Variants in SGCD observed in about 807,000 individuals in gnomAD.
SGCD encodes the protein delta-sarcoglycan.
Under a neutral mutation model 36.6 loss-of-function variants are expected in SGCD, and 18 were observed. The observed-to-expected ratio is 0.49, with a 90% confidence interval of 0.34 to 0.73. SGCD has a LOEUF of 0.73. SGCD is among the 30% of genes least tolerant of loss of function. The pLI, the probability that SGCD is intolerant of heterozygous loss-of-function variation, is 0.01. For missense variants in SGCD, 387 were observed against 346.7 expected (o/e 1.12, Z -0.92); for synonymous variants, 133 against 130.6 (o/e 1.02, Z -0.12).
chr5:155,900,686 G>T (rs1756370325), intron 1 of SGCD, among the ~76,000 whole-genome samples: 1 of 149,486 alleles, frequency 6.7e-6, no homozygotes. Flanking sequence ...AATAGATGTT[G>T]GAAACTGTCC....
intron 3 of SGCD, among the ~76,000 whole-genome samples, chr5:156,424,301 T>G (rs11135202): frequency 0.67 from 102,015 of 151,838 alleles, 34,896 homozygotes; most frequent in Middle Eastern, 0.88. Context: ...TATACTCCTT[T>G]GTAGTTGCCT....
intron 7 of SGCD, among the ~76,000 whole-genome samples, chr5:156,724,861 T>G (rs1259537231): frequency 6.6e-6 from 1 of 152,214 alleles, no homozygotes; most frequent in Non-Finnish European, 1.5e-5. Flanking sequence ...AAATTTCTCC[T>G]CTTATATATC....
chr5:156,067,970 C>CT lies in SGCD; in HGVS notation c.-281-49896dup, dbSNP rs1190479812. Among the ~76,000 whole-genome samples, 58 of 123,160 alleles carry CT rather than the reference C, an allele frequency of 4.7e-4. 3 individuals are homozygous for CT. Among genetic ancestry groups the CT allele is most frequent in the African/African-American group, 7.3e-4 (15 of 20,576 alleles). 80.8% of individuals were successfully genotyped at this position (123,160 alleles called of 152,430 possible). ...CGGCCATCTTGGCTCCTCCCCCCCA[C>CT]TTTTTTTTTTTTAATTGGCAAAATT... is the stretch of plus-strand genomic sequence containing the variant. On this transcript the variant is annotated intron_variant, in intron 1 of 9. Coordinates refer to the SGCD transcript ENST00000517913.
At chr5:156,071,745 A>T (rs561096553) in intron 1 of SGCD, among the ~76,000 whole-genome samples, 1 of 152,150 alleles carries the variant, frequency 6.6e-6, no homozygotes, top group East Asian at 1.9e-4. Flanking sequence ...AAAGTCTCCC[A>T]TTATTATTGT....
intron 1 of SGCD, among the ~76,000 whole-genome samples, chr5:156,043,100 C>CGGAAAA (rs1304216544): frequency 1.3e-5 from 2 of 152,154 alleles, no homozygotes; most frequent in Admixed American, 1.3e-4. Context: ...ATCTCTTTTA[C>CGGAAAA]TGTCATAATT....
intron 3 of SGCD, among the ~76,000 whole-genome samples, chr5:156,242,443 C>T (rs182022325): frequency 2.6e-5 from 4 of 152,124 alleles, no homozygotes; most frequent in Non-Finnish European, 4.4e-5. Flanking sequence ...TCTCTACATA[C>T]GATAAAATTT....
intron 1 of SGCD, among the ~76,000 whole-genome samples, chr5:155,949,355 T>A (rs565246935): frequency 2.6e-5 from 4 of 152,206 alleles, no homozygotes; most frequent in Admixed American, 6.5e-5. Flanking sequence ...TGGCTAGTCC[T>A]AATTGAGTGC....
At chr5:156,628,960 T>G (rs377651651) in intron 6 of SGCD, among the ~76,000 whole-genome samples, 4 of 152,146 alleles carry the variant, frequency 2.6e-5, no homozygotes, top group African/African-American at 4.8e-5. Context: ...ATAGTCACTG[T>G]GGAAATTAAA....
At chr5:156,360,933 C>T (rs890917270) in intron 3 of SGCD, among the ~76,000 whole-genome samples, 5 of 152,138 alleles carry the variant, frequency 3.3e-5, no homozygotes, top group South Asian at 2.1e-4. Context: ...TCACACCAGC[C>T]GTTTGCTCTC....
intron 3 of SGCD, among the ~76,000 whole-genome samples, chr5:156,155,126 G>A (rs547902515): frequency 1.1e-4 from 17 of 151,602 alleles, no homozygotes; most frequent in Non-Finnish European, 1.9e-4. Flanking sequence ...CTGGGACCAG[G>A]CTTTTCTTCT....
chr5:156,634,362 A>G (rs1240183103), intron 6 of SGCD, among the ~76,000 whole-genome samples: 2 of 152,186 alleles, frequency 1.3e-5, no homozygotes, highest in Admixed American at 6.5e-5. Context: ...ACCATGGCAC[A>G]TGTTTGCCTG....
intron 3 of SGCD, among the ~76,000 whole-genome samples, chr5:156,304,373 C>G (rs575502106): frequency 5.3e-5 from 8 of 152,250 alleles, no homozygotes; most frequent in Admixed American, 5.2e-4. Context: ...CAGAATAAGT[C>G]TCATGAGATC....
the SGCD span, among the ~76,000 whole-genome samples, chr5:155,845,804 G>GT: frequency 6.6e-6 from 1 of 152,086 alleles, no homozygotes; most frequent in African/African-American, 2.4e-5. Flanking sequence ...CTGTAAACCT[G>GT]TTTTTTATGC....
At chr5:156,112,404 C>G (rs567654217) in intron 1 of SGCD, among the ~76,000 whole-genome samples, 2 of 152,236 alleles carry the variant, frequency 1.3e-5, no homozygotes, top group East Asian at 3.9e-4. Flanking sequence ...TTATGTAATT[C>G]ATAGGACTCT....
At chr5:156,514,684 A>G (rs1231788893) in intron 4 of SGCD, among the ~76,000 whole-genome samples, 1 of 152,216 alleles carries the variant, frequency 6.6e-6, no homozygotes, top group Non-Finnish European at 1.5e-5. Context: ...GGCTTATACC[A>G]AGAGGCAGTG....
intron 7 of SGCD, among the ~76,000 whole-genome samples, chr5:156,730,454 A>G (rs1368899776): frequency 2.6e-5 from 4 of 152,098 alleles, no homozygotes; most frequent in Non-Finnish European, 5.9e-5. Flanking sequence ...GCTCCCATTT[A>G]TAAGTGAGAA....
At chr5:156,749,954 T>A (rs1360971389) in intron 7 of SGCD, among the ~76,000 whole-genome samples, 1 of 150,566 alleles carries the variant, frequency 6.6e-6, no homozygotes, top group South Asian at 2.1e-4. Context: ...TGAATACAGA[T>A]GCAAATTACC....
At chr5:156,595,355 C>T (rs977171614) in intron 6 of SGCD, among the ~76,000 whole-genome samples, 5 of 152,084 alleles carry the variant, frequency 3.3e-5, no homozygotes, top group Non-Finnish European at 5.9e-5. Context: ...AGAACCTGAC[C>T]AGGCTCGTAT....
chr5:156,273,384 G>T (rs898330343), intron 3 of SGCD, among the ~76,000 whole-genome samples: 1 of 152,194 alleles, frequency 6.6e-6, no homozygotes, highest in African/African-American at 2.4e-5. Flanking sequence ...AGGAAGCAAT[G>T]CCAAGATTAG....
Sources: gnomAD v4.1 joint callset for allele counts (sites outside exome capture counted in the v4.1 genomes callset) on GRCh38, gnomAD v4.1.1 for gene constraint, MANE v1.5 for transcripts, NCBI Gene and HGNC (gene_info 2026-07-23, HGNC 2026-07-21) for gene names.